ARFGAP3: variants seen among roughly 807,000 people sequenced by gnomAD.
ARFGAP3 encodes the protein ARF GTPase activating protein 3.
In ARFGAP3, 72 loss-of-function variants were observed where a neutral mutation model predicts 75.0. The ratio of observed to expected loss-of-function variants is 0.96; its 90% confidence interval spans 0.79 to 1.17. ARFGAP3 has a LOEUF of 1.17. Among genes scored for constraint, ARFGAP3 ranks in the 50% most tolerant of loss-of-function variants. The probability of loss-of-function intolerance (pLI) is 0.00; values close to 1 mark genes in which losing one functional copy is unlikely to be tolerated. For missense variants in ARFGAP3, 620 were observed against 626.6 expected, an observed-to-expected ratio of 0.99 and a Z score of 0.11; for synonymous variants, 221 against 217.9, an observed-to-expected ratio of 1.01 and a Z score of -0.13.
At chr22:42,851,523 C>T (rs1292669982) in intron 1 of ARFGAP3, among the ~76,000 whole-genome samples, 2 of 152,236 alleles carry the variant, frequency 1.3e-5, no homozygotes, top group Non-Finnish European at 2.9e-5. Flanking sequence ...CAGGTGCTCA[C>T]TAAATGCGAA....
chr22:42,837,640 C>A lies in ARFGAP3; in HGVS notation c.262-2147G>T, dbSNP rs75255428. ...TATCTCAAAAAAAAAAAAAAAAAAACCAAAAAAAAGCCTTGAAACATCTAA... is the reference window on the plus strand; with the variant it reads ...TATCTCAAAAAAAAAAAAAAAAAAAACAAAAAAAAGCCTTGAAACATCTAA... On this transcript the variant is annotated intron_variant, in intron 3 of 15. Transcript: ENST00000263245. Among the ~76,000 whole-genome samples, 217 of 115,200 alleles carry A rather than the reference C, an allele frequency of 1.9e-3. 2 individuals are homozygous for A. The highest frequency in any genetic ancestry group is 7.5e-3 in the African/African-American group (194 of 25,926). The allele number at this position is 115,200 out of a possible 152,430, so 75.6% of individuals were successfully genotyped here.
intron 6 of ARFGAP3, among the ~76,000 whole-genome samples, chr22:42,829,975 T>A (rs1225655936): frequency 6.6e-6 from 1 of 152,252 alleles, no homozygotes; most frequent in Non-Finnish European, 1.5e-5. Context: ...ACCTAGGATA[T>A]GCAATGTTCT....
chr22:42,857,057 C>A, intron 1 of ARFGAP3, 57 bp downstream of exon 1: 1 of 1,463,324 alleles, frequency 6.8e-7, no homozygotes, highest in Non-Finnish European at 9.1e-7. Flanking sequence ...CCCGCGGGGC[C>A]TCCCGCCGGT....
chr22:42,800,657 C>G (rs761451186), intron 14 of ARFGAP3, among the ~76,000 whole-genome samples: 1 of 152,214 alleles, frequency 6.6e-6, no homozygotes, highest in Non-Finnish European at 1.5e-5. Context: ...CCATGCCCAC[C>G]ACAGATGCAG....
intron 1 of ARFGAP3, among the ~76,000 whole-genome samples, chr22:42,851,061 G>A (rs531813389): frequency 2.3e-4 from 35 of 152,296 alleles, no homozygotes; most frequent in East Asian, 9.6e-4. Flanking sequence ...GTTCTTCCCC[G>A]TCAGGCTGTG....
intron 14 of ARFGAP3, among the ~76,000 whole-genome samples, chr22:42,804,376 ATTTTTTT>A (rs1169858932): frequency 6.2e-4 from 46 of 74,472 alleles, no homozygotes; most frequent in Middle Eastern, 0.011. Flanking sequence ...CACCCAGCTA[ATTTTTTT>A]TTTTTTTTTT....
chr22:42,811,111 G>T, intron 11 of ARFGAP3, 167 bp from the exon 12 acceptor site: 1 of 657,710 alleles, frequency 1.5e-6, no homozygotes, highest in Non-Finnish European at 1.9e-6. Context: ...TCATTTCCAA[G>T]GCCTTTCAAG....
intron 3 of ARFGAP3, among the ~76,000 whole-genome samples, chr22:42,838,288 A>ATTT (rs200113978): frequency 2.8e-4 from 36 of 130,722 alleles, no homozygotes; most frequent in East Asian, 7.0e-4. Context: ...ATATATATAT[A>ATTT]TATTTTTTTT....
At chr22:42,825,990 A>G (rs1926022012) in intron 7 of ARFGAP3, among the ~76,000 whole-genome samples, 1 of 152,200 alleles carries the variant, frequency 6.6e-6, no homozygotes. Flanking sequence ...AAGTGTGAAA[A>G]AGATGCTTGT....
chr22:42,855,073 T>A (rs991955531), intron 1 of ARFGAP3, among the ~76,000 whole-genome samples: 1 of 152,194 alleles, frequency 6.6e-6, no homozygotes, highest in Non-Finnish European at 1.5e-5. Flanking sequence ...ATCTTCACAA[T>A]AACCCTCTGA....
chr22:42,830,434 G>A (rs1331933334), intron 6 of ARFGAP3, among the ~76,000 whole-genome samples: 1 of 152,024 alleles, frequency 6.6e-6, no homozygotes. Context: ...CACCCAACCC[G>A]CGGTTGGTGA....
At chr22:42,840,510 A>G (rs763254400) in intron 3 of ARFGAP3, among the ~76,000 whole-genome samples, 17 of 151,418 alleles carry the variant, frequency 1.1e-4, no homozygotes, top group Admixed American at 2.6e-4. Flanking sequence ...TCTGCCTCCC[A>G]GGTTCATGCA....
chr22:42,827,728 A>G (rs1036040375), intron 6 of ARFGAP3, among the ~76,000 whole-genome samples: 4 of 152,192 alleles, frequency 2.6e-5, no homozygotes, highest in Non-Finnish European at 2.9e-5. Flanking sequence ...TCAGTTGCCA[A>G]GAAATCTGCC....
chr22:42,835,339 C>G lies in ARFGAP3; in HGVS notation c.393+23G>C, dbSNP rs990239268. On this transcript the variant is annotated intron_variant, in intron 4 of 15. Coordinates refer to ENST00000263245, the MANE Select transcript of ARFGAP3 (RefSeq NM_014570.5). ...GAAGTGAACATGTATCTAAAGGAAA[C>G]AATCCAGCCTCCAGTGACTTACATC... 1.9e-6 allele frequency: 3 copies of G among 1,609,486 alleles called. No individual in the cohort carries two copies. In the Admixed American group the frequency reaches 5.1e-5, roughly 27 times the overall value.
At chr22:42,856,644 G>T (rs1161189276) in intron 1 of ARFGAP3, among the ~76,000 whole-genome samples, 3 of 152,208 alleles carry the variant, frequency 2.0e-5, no homozygotes, top group African/African-American at 4.8e-5. Context: ...ACTGAGGCAG[G>T]CACCGCAAGG....
At chr22:42,799,217 C>T in intron 14 of ARFGAP3, 57 bp from the exon 15 acceptor site, 1 of 1,599,758 alleles carries the variant, frequency 6.3e-7, no homozygotes, top group Non-Finnish European at 8.5e-7. Flanking sequence ...CTGCGGCAAA[C>T]CCAGTACCCA....
intron 5 of ARFGAP3, among the ~76,000 whole-genome samples, chr22:42,832,987 T>TTA (rs1555898581): frequency 7.3e-6 from 1 of 136,128 alleles, no homozygotes; most frequent in Admixed American, 7.4e-5. Context: ...ACTCCGTCTT[T>TTA]AAAAAAAAAA....
chr22:42,806,927 C>T, intron 14 of ARFGAP3, 146 bp downstream of exon 14: 2 of 800,080 alleles, frequency 2.5e-6, no homozygotes, highest in South Asian at 4.7e-5. Flanking sequence ...GGAATAGTAA[C>T]TTCTGCTCTA....
Position 42,799,152 on chromosome 22 carries a change from T to C in ARFGAP3, c.1420A>G (p.Ser474Gly), listed in dbSNP as rs755171884. ...EPRKQPAGNY[S>G]LSSVLPNAPD... ...GCGTTGGGCAGCACACTGGACAGGCTGTAGTTCCCTGCACACACACAGCAG... is the reference window on the plus strand; with the variant it reads ...GCGTTGGGCAGCACACTGGACAGGCCGTAGTTCCCTGCACACACACAGCAG... Residue 474 changes from serine (S) to glycine (G), a missense_variant, in exon 15 of 16, where the codon AGC becomes GGC. Ser to Gly is a moderately conservative substitution (Grantham distance 56, BLOSUM62 0). Transcript: ENST00000263245. The C allele has an allele frequency of 6.2e-7, 1 of 1,614,078 alleles. No individual in the cohort carries two copies. The highest frequency in any genetic ancestry group is 1.1e-5 in the South Asian group (1 of 91,086).
Sources: allele counts gnomAD v4.1 joint callset (sites outside exome capture counted in the v4.1 genomes callset), GRCh38; gene constraint gnomAD v4.1.1; transcripts MANE v1.5; gene names NCBI Gene and HGNC (gene_info 2026-07-23, HGNC 2026-07-21).